Variants in EEPD1 observed in about 807,000 individuals in gnomAD.
EEPD1 encodes endonuclease/exonuclease/phosphatase family domain-containing protein 1.
Under a neutral mutation model 46.3 loss-of-function variants are expected in EEPD1, and 17 were observed. That is an observed-to-expected ratio of 0.37 (90% confidence interval 0.25 to 0.55). The LOEUF (loss-of-function observed/expected upper bound fraction) is 0.55. Ranked by LOEUF, EEPD1 falls within the 20% of genes least tolerant of loss-of-function variation. The pLI, the probability that EEPD1 is intolerant of heterozygous loss-of-function variation, is 0.83. For missense variants in EEPD1, 673 were observed against 745.6 expected, an observed-to-expected ratio of 0.90 and a Z score of 1.13; for synonymous variants, 313 against 315.6, an observed-to-expected ratio of 0.99 and a Z score of 0.09.
chr7:36,291,878 G>T (rs183623280), intron 6 of EEPD1, among the ~76,000 whole-genome samples: 1 of 152,186 alleles, frequency 6.6e-6, no homozygotes, highest in Non-Finnish European at 1.5e-5. Context: ...GGGGAATCCC[G>T]CAGAGCCCAG....
chr7:36,218,036 G>C (rs1786061742), intron 2 of EEPD1, among the ~76,000 whole-genome samples: 1 of 152,216 alleles, frequency 6.6e-6, no homozygotes, highest in Admixed American at 6.5e-5. Flanking sequence ...GAAACAAGAA[G>C]TTCTTAAGAT....
At chr7:36,251,298 G>A (rs1000350877) in intron 3 of EEPD1, among the ~76,000 whole-genome samples, 1 of 151,568 alleles carries the variant, frequency 6.6e-6, no homozygotes, top group African/African-American at 2.4e-5. Flanking sequence ...CTACTGGTAG[G>A]TTTCTTTCTT....
At chr7:36,292,060 T>C (rs1027669770) in intron 6 of EEPD1, among the ~76,000 whole-genome samples, 1 of 152,206 alleles carries the variant, frequency 6.6e-6, no homozygotes, top group Non-Finnish European at 1.5e-5. Context: ...TATGCACACA[T>C]ATTTAACTTC....
chr7:36,211,066 C>T (rs1374578883), intron 2 of EEPD1, among the ~76,000 whole-genome samples: 6 of 152,144 alleles, frequency 3.9e-5, no homozygotes, highest in Non-Finnish European at 5.9e-5. Flanking sequence ...AAGAGCCTCA[C>T]GAGCCTGTCA....
chr7:36,192,022 C>T (rs116472915), intron 2 of EEPD1, among the ~76,000 whole-genome samples: 294 of 152,242 alleles, frequency 1.9e-3, no homozygotes, highest in African/African-American at 6.0e-3. Flanking sequence ...ACTCTTTCCG[C>T]GTTGTCGAAA....
At chr7:36,188,466 G>A (rs1785404125) in intron 2 of EEPD1, among the ~76,000 whole-genome samples, 1 of 152,140 alleles carries the variant, frequency 6.6e-6, no homozygotes, top group Admixed American at 6.5e-5. Flanking sequence ...GACCTTTGAT[G>A]CATGTGTGAA....
At chr7:36,195,833 A>G (rs1785571883) in intron 2 of EEPD1, among the ~76,000 whole-genome samples, 1 of 152,252 alleles carries the variant, frequency 6.6e-6, no homozygotes, top group South Asian at 2.1e-4. Context: ...ATGTATAGAT[A>G]TTTCAAAACA....
intron 2 of EEPD1, among the ~76,000 whole-genome samples, chr7:36,180,824 C>A (rs1261476451): frequency 6.6e-6 from 1 of 152,094 alleles, no homozygotes; most frequent in Admixed American, 6.5e-5. Flanking sequence ...CACCCCAAAT[C>A]TGTCCCTTGC....
chr7:36,167,006 G>A (rs1421081557), intron 2 of EEPD1, among the ~76,000 whole-genome samples: 2 of 152,100 alleles, frequency 1.3e-5, no homozygotes, highest in Non-Finnish European at 2.9e-5. Context: ...TGGCCAGCTT[G>A]GTTTTTTCTC....
At chr7:36,173,262 G>C (rs1263626029) in intron 2 of EEPD1, among the ~76,000 whole-genome samples, 1 of 150,856 alleles carries the variant, frequency 6.6e-6, no homozygotes. Flanking sequence ...GCCAAGGGGG[G>C]CGGATCACGA....
chr7:36,162,857 C>T (rs145578762), intron 2 of EEPD1, among the ~76,000 whole-genome samples: 106 of 152,246 alleles, frequency 7.0e-4, no homozygotes, highest in African/African-American at 2.4e-3. Flanking sequence ...AGTGCTTAAG[C>T]GACAGTACGT....
intron 3 of EEPD1, among the ~76,000 whole-genome samples, chr7:36,248,600 C>T (rs1191967852): frequency 6.6e-6 from 1 of 150,994 alleles, no homozygotes; most frequent in Non-Finnish European, 1.5e-5. Context: ...ATTTATTTTC[C>T]CCCACCCCCG....
intron 3 of EEPD1, among the ~76,000 whole-genome samples, chr7:36,271,674 A>G: frequency 7.0e-6 from 1 of 143,410 alleles, no homozygotes; most frequent in Admixed American, 7.1e-5. Flanking sequence ...TTTAGTCATG[A>G]AGTCTTTGCC....
chr7:36,165,586 A>AATTTATTTATTTATTTATTTATTTATTT lies in EEPD1; in HGVS notation c.878+10389_878+10416dup, dbSNP rs57475263. Among the ~76,000 whole-genome samples the AATTTATTTATTTATTTATTTATTTATTT allele has an allele frequency of 2.4e-3, 328 of 134,684 alleles. 2 individuals carry two copies. The highest frequency in any genetic ancestry group is 7.7e-3 in the African/African-American group (279 of 36,096). The allele number at this position is 134,684 out of a possible 152,430, so 88.4% of individuals were successfully genotyped here. Reference sequence around the variant, plus strand: ...AGGCACCTGCCACCACGCCCCAGCTAATTTATTTATTTATTTATTTATTTA... The same window carrying AATTTATTTATTTATTTATTTATTTATTT: ...AGGCACCTGCCACCACGCCCCAGCTAATTTATTTATTTATTTATTTATTTATTTATTTATTTATTTATTTATTTATTTA... On this transcript the variant is annotated intron_variant, in intron 2 of 7. Coordinates refer to ENST00000242108, the MANE Select transcript of EEPD1 (RefSeq NM_030636.3).
At chr7:36,249,650 A>T (rs146613878) in intron 3 of EEPD1, among the ~76,000 whole-genome samples, 140 of 152,298 alleles carry the variant, frequency 9.2e-4, no homozygotes, top group African/African-American at 3.2e-3. Context: ...AAGCCGCTGT[A>T]CCTACTGCGG....
At position 36,165,650 on chromosome 7, in the gene EEPD1, G is replaced by A. The variant is rs558361610; in HGVS notation, c.878+10448G>A. 1.1e-4 allele frequency among the ~76,000 whole-genome samples: 17 copies of A among 148,058 alleles called. No individual in the cohort carries two copies. In the East Asian group the frequency reaches 3.3e-3, roughly 29 times the overall value. On this transcript the variant is annotated intron_variant, in intron 2 of 7. Coordinates refer to ENST00000242108, the MANE Select transcript of EEPD1 (RefSeq NM_030636.3). ...GAGACAGGGTTTCCATGTTGACCAG[G>A]ATGGTCTCGATCTCTTGACCTCGTG...
chr7:36,205,968 G>T (rs2726092), intron 2 of EEPD1, among the ~76,000 whole-genome samples: 26,243 of 152,128 alleles, frequency 0.17, 2,789 homozygotes, highest in Non-Finnish European at 0.25. Context: ...CAGGACAGGC[G>T]GAATTGAGGG....
Position 36,157,486 on chromosome 7 carries a change from G to A in EEPD1, c.878+2284G>A, listed in dbSNP as rs1784844091. On this transcript the variant is annotated intron_variant, in intron 2 of 7. Coordinates refer to ENST00000242108, the MANE Select transcript of EEPD1 (RefSeq NM_030636.3). ...GGTTGTCCTGTTTTTTTCTTCTTTG[G>A]GTTTCCTAGAGAGATGATGATTTGC... is the stretch of plus-strand genomic sequence containing the variant. Among the ~76,000 whole-genome samples the A allele has an allele frequency of 2.0e-5, 3 of 152,094 alleles. No individual in the cohort carries two copies. The South Asian group carries it at 6.2e-4, about 32-fold the overall frequency.
At chr7:36,177,282 G>C (rs913888313) in intron 2 of EEPD1, among the ~76,000 whole-genome samples, 17 of 149,436 alleles carry the variant, frequency 1.1e-4, no homozygotes, top group African/African-American at 4.0e-4. Flanking sequence ...TTCAACTTTT[G>C]TTTTAGATTC....
Sources: gnomAD v4.1 joint callset for allele counts (sites outside exome capture counted in the v4.1 genomes callset) on GRCh38, gnomAD v4.1.1 for gene constraint, MANE v1.5 for transcripts, NCBI Gene and HGNC (gene_info 2026-07-23, HGNC 2026-07-21) for gene names.